The following FMN1 variants were observed in gnomAD, a reference collection of about 807,000 sequenced individuals.
The protein encoded by FMN1 is formin-1.
In FMN1, 110 loss-of-function variants were observed where a neutral mutation model predicts 132.4. That is an observed-to-expected ratio of 0.83 (90% CI 0.71 to 0.97). The LOEUF is 0.97. Among genes scored for constraint, FMN1 ranks in the 50% least tolerant of loss-of-function variants. FMN1 has a pLI of 0.00. For missense variants in FMN1, 1,792 were observed against 1,705.3 expected, an observed-to-expected ratio of 1.05 and a Z score of -0.90; for synonymous variants, 722 against 651.7, an observed-to-expected ratio of 1.11 and a Z score of -1.64.
At chr15:33,150,245 A>G in intron 4 of FMN1, 1 of 985,476 alleles carries the variant, frequency 1.0e-6, no homozygotes, top group African/African-American at 1.7e-5. Context: ...CCAAGCTCCA[A>G]GGACACTGCT....
intron 9 of FMN1, among the ~76,000 whole-genome samples, chr15:32,938,863 T>C (rs942772421): frequency 2.6e-5 from 4 of 152,352 alleles, no homozygotes; most frequent in Middle Eastern, 3.4e-3. Context: ...ATTGTCTTTA[T>C]ATTGTTTTTG....
At chr15:33,119,593 C>G (rs534694208) in intron 4 of FMN1, among the ~76,000 whole-genome samples, 1 of 152,164 alleles carries the variant, frequency 6.6e-6, no homozygotes, top group Non-Finnish European at 1.5e-5. Flanking sequence ...CAGCACTATT[C>G]TTGAAGAGCT....
At chr15:33,039,449 T>C (rs1417927167) in intron 6 of FMN1, among the ~76,000 whole-genome samples, 2 of 152,216 alleles carry the variant, frequency 1.3e-5, no homozygotes, top group Non-Finnish European at 2.9e-5. Flanking sequence ...TAATAGGTTA[T>C]TGAGGAAACT....
chr15:32,935,611 C>T (rs575631047), intron 9 of FMN1, among the ~76,000 whole-genome samples: 1 of 151,996 alleles, frequency 6.6e-6, no homozygotes, highest in Non-Finnish European at 1.5e-5. Context: ...GTGTTCCATA[C>T]ATCCCTTAGA....
At chr15:33,165,138 C>T (rs60363549) in intron 3 of FMN1, among the ~76,000 whole-genome samples, 4,815 of 152,286 alleles carry the variant, frequency 0.032, 285 homozygotes, top group African/African-American at 0.11. Flanking sequence ...ACAATGGTGA[C>T]AGCACAGCAT....
chr15:32,846,907 A>C (rs1201749032), intron 17 of FMN1, among the ~76,000 whole-genome samples: 1 of 152,170 alleles, frequency 6.6e-6, no homozygotes, highest in Non-Finnish European at 1.5e-5. Context: ...ATGTCCTCCT[A>C]GTTTTTCCAA....
At chr15:33,051,109 G>A (rs1175942362) in intron 6 of FMN1, among the ~76,000 whole-genome samples, 6 of 152,180 alleles carry the variant, frequency 3.9e-5, no homozygotes, top group Admixed American at 3.9e-4. Flanking sequence ...AGAGGGATCG[G>A]GGGATATAGA....
chr15:32,787,177 C>A (rs2056908860), intron 19 of FMN1, among the ~76,000 whole-genome samples: 1 of 152,194 alleles, frequency 6.6e-6, no homozygotes, highest in Admixed American at 6.5e-5. Context: ...TCATTAATTT[C>A]TCAATTTAAA....
intron 16 of FMN1, among the ~76,000 whole-genome samples, chr15:32,867,939 C>T (rs1352267606): frequency 6.6e-6 from 1 of 152,202 alleles, no homozygotes; most frequent in Non-Finnish European, 1.5e-5. Flanking sequence ...AAATCTCCAG[C>T]ATCTACTGTA....
chr15:32,879,247 T>C (rs1313390037), intron 16 of FMN1, among the ~76,000 whole-genome samples: 1 of 152,234 alleles, frequency 6.6e-6, no homozygotes, highest in Non-Finnish European at 1.5e-5. Context: ...TTTTTTTTAT[T>C]ATTTCTAAAA....
At chr15:33,070,376 C>A (rs534707349) in intron 5 of FMN1, among the ~76,000 whole-genome samples, 1 of 134,652 alleles carries the variant, frequency 7.4e-6, no homozygotes, top group South Asian at 2.7e-4. Context: ...GGAGAGGGCA[C>A]GTATTTGGTC....
At chr15:33,048,228 G>T (rs1366837524) in intron 6 of FMN1, among the ~76,000 whole-genome samples, 1 of 152,126 alleles carries the variant, frequency 6.6e-6, no homozygotes, top group African/African-American at 2.4e-5. Context: ...AAATTGTTCA[G>T]TTAACCTATT....
At chr15:33,096,564 C>G (rs933838664) in intron 4 of FMN1, among the ~76,000 whole-genome samples, 4 of 152,022 alleles carry the variant, frequency 2.6e-5, no homozygotes, top group African/African-American at 9.7e-5. Context: ...GTACTTTACT[C>G]CAGCACCGGA....
intron 19 of FMN1, among the ~76,000 whole-genome samples, chr15:32,783,937 A>G (rs2056762203): frequency 6.6e-6 from 1 of 152,140 alleles, no homozygotes; most frequent in African/African-American, 2.4e-5. Context: ...GAATCTAGCC[A>G]TCTGTGAGAC....
At chr15:33,000,378 G>A (rs996128042) in intron 7 of FMN1, among the ~76,000 whole-genome samples, 11 of 150,702 alleles carry the variant, frequency 7.3e-5, no homozygotes, top group African/African-American at 2.4e-4. Context: ...GAACCTGGGA[G>A]GCAGAGCTTG....
intron 4 of FMN1, among the ~76,000 whole-genome samples, chr15:33,124,031 G>A (rs1274738345): frequency 6.6e-6 from 1 of 152,126 alleles, no homozygotes; most frequent in Non-Finnish European, 1.5e-5. Context: ...CAAAGGACTG[G>A]GGAACTACTC....
chr15:32,980,188 G>A (rs2928020), intron 7 of FMN1, among the ~76,000 whole-genome samples: 123,800 of 151,944 alleles, frequency 0.81, 50,598 homozygotes, highest in East Asian at 0.97. Flanking sequence ...AGGCACACTC[G>A]TTATACAAGA....
At chr15:32,847,368 A>G (rs187887431) in intron 17 of FMN1, among the ~76,000 whole-genome samples, 2 of 152,260 alleles carry the variant, frequency 1.3e-5, no homozygotes, top group African/African-American at 4.8e-5. Flanking sequence ...CTGACAAATA[A>G]TATCTTACCT....
Position 33,153,175 on chromosome 15 carries a change from C to T in FMN1, c.1740G>A (p.Thr580=), listed in dbSNP as rs979850205. The part of the protein sequence containing the change: ...TLEPPSSAKV[T]ETKGASPAFL... ...AGGCCGGGCTGGCTCCTTTGGTCTC[C>T]GTGACCTTTGCAGAGGATGGTGGCT... Residue 580 remains threonine, a synonymous_variant, in exon 4 of 21, where the codon ACG becomes ACA. Transcript: ENST00000616417. 12 of 1,535,974 alleles carry T rather than the reference C, an allele frequency of 7.8e-6. No homozygotes were observed. Among genetic ancestry groups the T allele is most frequent in the South Asian group, 3.6e-5 (3 of 84,052 alleles).
Sources: gnomAD v4.1 joint callset for allele counts (sites outside exome capture counted in the v4.1 genomes callset) on GRCh38, gnomAD v4.1.1 for gene constraint, MANE v1.5 for transcripts, NCBI Gene and HGNC (gene_info 2026-07-23, HGNC 2026-07-21) for gene names.